Variants in CTNNA2 observed in about 807,000 individuals in gnomAD.
CTNNA2 encodes catenin alpha 2, also known as catenin alpha-2.
Under a neutral mutation model 101.0 loss-of-function variants are expected in CTNNA2, and 42 were observed. That is an observed-to-expected ratio of 0.42 (90% CI 0.32 to 0.54). CTNNA2 has a LOEUF of 0.54. CTNNA2 is among the 20% of genes least tolerant of loss of function. CTNNA2 has a pLI of 0.14. For missense variants in CTNNA2, 871 were observed against 1,223.1 expected (o/e 0.71, Z 4.29); for synonymous variants, 450 against 456.4 (o/e 0.99, Z 0.18).
At chr2:79,426,421 T>C (rs1678592766) in intron 4 of CTNNA2, among the ~76,000 whole-genome samples, 1 of 152,160 alleles carries the variant, frequency 6.6e-6, no homozygotes, top group African/African-American at 2.4e-5. Context: ...TAACAATTTA[T>C]ATGGTTACAT....
At chr2:80,507,988 C>T (rs72916920) in intron 9 of CTNNA2, among the ~76,000 whole-genome samples, 2,442 of 152,214 alleles carry the variant, frequency 0.016, 63 homozygotes, top group African/African-American at 0.053. Flanking sequence ...CCTGGAGAGG[C>T]CCAGACCTGG....
intron 8 of CTNNA2, among the ~76,000 whole-genome samples, chr2:80,416,143 G>C (rs1437034796): frequency 1.3e-5 from 2 of 151,942 alleles, no homozygotes; most frequent in Non-Finnish European, 2.9e-5. Flanking sequence ...TATACACCAT[G>C]ATGACTAGCA....
chr2:80,344,135 A>G (rs899074489), intron 7 of CTNNA2, among the ~76,000 whole-genome samples: 2 of 152,134 alleles, frequency 1.3e-5, no homozygotes, highest in African/African-American at 4.8e-5. Context: ...GCTTGGGCAC[A>G]CTTGATCCTT....
intron 7 of CTNNA2, among the ~76,000 whole-genome samples, chr2:80,099,469 C>A (rs112345980): frequency 2.5e-4 from 38 of 152,248 alleles, no homozygotes; most frequent in African/African-American, 8.9e-4. Context: ...TCCTCTCTTG[C>A]GAGAAACAAT....
At chr2:79,991,463 T>G (rs913333335) in intron 7 of CTNNA2, among the ~76,000 whole-genome samples, 3 of 152,088 alleles carry the variant, frequency 2.0e-5, no homozygotes, top group African/African-American at 7.2e-5. Context: ...AGATCTCCCC[T>G]AGAGAAGAAA....
intron 1 of CTNNA2, among the ~76,000 whole-genome samples, chr2:79,536,574 A>AGTATGTGTGTGTGTATGT (rs34403615): frequency 6.8e-6 from 1 of 146,714 alleles, no homozygotes; most frequent in Non-Finnish European, 1.5e-5. Flanking sequence ...TCTCTAAAGA[A>AGTATGTGTGTGTGTATGT]GTGTGTGTGT....
intron 1 of CTNNA2, among the ~76,000 whole-genome samples, chr2:79,568,418 A>G (rs1453978800): frequency 2.0e-5 from 3 of 151,808 alleles, no homozygotes; most frequent in African/African-American, 7.3e-5. Flanking sequence ...CCTGGCCAAC[A>G]TGGTGAAACC....
chr2:80,594,262 C>T (rs1417377487), intron 15 of CTNNA2, among the ~76,000 whole-genome samples: 3 of 152,050 alleles, frequency 2.0e-5, no homozygotes, highest in African/African-American at 4.8e-5. Context: ...AACAACTTTC[C>T]TATGCTTATT....
At chr2:79,776,195 C>T (rs1369441034) in intron 3 of CTNNA2, among the ~76,000 whole-genome samples, 5 of 152,118 alleles carry the variant, frequency 3.3e-5, no homozygotes, top group Admixed American at 2.0e-4. Flanking sequence ...ACTTTGAACA[C>T]GGCTTTTGTT....
At chr2:80,184,521 G>A (rs1705985992) in intron 7 of CTNNA2, among the ~76,000 whole-genome samples, 1 of 152,136 alleles carries the variant, frequency 6.6e-6, no homozygotes, top group Admixed American at 6.5e-5. Flanking sequence ...AGAAGGAACA[G>A]TAGTATTGAT....
At chr2:80,510,137 C>T (rs145456599) in intron 9 of CTNNA2, among the ~76,000 whole-genome samples, 1 of 152,174 alleles carries the variant, frequency 6.6e-6, no homozygotes, top group Non-Finnish European at 1.5e-5. Flanking sequence ...AATTCAGTAT[C>T]TCCCTGTTAA....
intron 3 of CTNNA2, among the ~76,000 whole-genome samples, chr2:79,336,838 C>T (rs34035054): frequency 0.27 from 40,934 of 151,930 alleles, 5,791 homozygotes; most frequent in South Asian, 0.39. Context: ...AGAGGAAATG[C>T]GTGGTGGCAT....
intron 7 of CTNNA2, among the ~76,000 whole-genome samples, chr2:80,282,954 G>A (rs531793641): frequency 6.6e-6 from 1 of 152,084 alleles, no homozygotes; most frequent in Non-Finnish European, 1.5e-5. Flanking sequence ...ATATGGGCTA[G>A]TGGATCCTCA....
Position 79,579,143 on chromosome 2 carries a change from C to A in CTNNA2, c.-6+65936C>A, listed in dbSNP as rs1302934904. On this transcript the variant is annotated intron_variant, in intron 1 of 18. Coordinates refer to ENST00000402739, the MANE Select transcript of CTNNA2 (RefSeq NM_001282597.3). Reference sequence around the variant, plus strand: ...TTTCTTTCCTTGTCTTTCCTTCCTTCCTTTCCTTCTCTTTTTTCTTTTTCT... The same window carrying A: ...TTTCTTTCCTTGTCTTTCCTTCCTTACTTTCCTTCTCTTTTTTCTTTTTCT... Among the ~76,000 whole-genome samples, 10 of 149,538 alleles carry A rather than the reference C, an allele frequency of 6.7e-5. No individual in the cohort carries two copies. In the Admixed American group the frequency reaches 6.7e-4, roughly 10 times the overall value.
intron 3 of CTNNA2, among the ~76,000 whole-genome samples, chr2:79,820,253 G>A (rs1677897091): frequency 6.6e-6 from 1 of 152,098 alleles, no homozygotes; most frequent in Non-Finnish European, 1.5e-5. Flanking sequence ...GCCCTTGTTA[G>A]TGCATCTTCT....
intron 7 of CTNNA2, among the ~76,000 whole-genome samples, chr2:79,948,093 A>T (rs904327208): frequency 6.6e-6 from 1 of 152,218 alleles, no homozygotes; most frequent in Admixed American, 6.5e-5. Context: ...AGCTCAATGC[A>T]TATGTGCTAG....
At chr2:79,963,058 C>G (rs961455115) in intron 7 of CTNNA2, among the ~76,000 whole-genome samples, 4 of 115,454 alleles carry the variant, frequency 3.5e-5, no homozygotes, top group Non-Finnish European at 5.0e-5. Context: ...GCGACAGAGC[C>G]AGACTCCGTC....
chr2:79,757,723 T>A (rs151294496), intron 3 of CTNNA2, among the ~76,000 whole-genome samples: 1 of 152,262 alleles, frequency 6.6e-6, no homozygotes, highest in African/African-American at 2.4e-5. Flanking sequence ...TGCTTTGCAG[T>A]AGAGTCCAGG....
At chr2:79,517,980 A>G (rs970002851) in intron 1 of CTNNA2, among the ~76,000 whole-genome samples, 1 of 152,174 alleles carries the variant, frequency 6.6e-6, no homozygotes, top group Non-Finnish European at 1.5e-5. Context: ...TGGAGTAAGG[A>G]TGAGACAGAA....
Sources: allele counts gnomAD v4.1 joint callset (sites outside exome capture counted in the v4.1 genomes callset), GRCh38; gene constraint gnomAD v4.1.1; transcripts MANE v1.5; gene names NCBI Gene and HGNC (gene_info 2026-07-23, HGNC 2026-07-21).